NUBPL: variants seen among roughly 807,000 people sequenced by gnomAD.
NUBPL encodes iron-sulfur cluster transfer protein NUBPL.
A neutral mutation model predicts 45.7 loss-of-function variants in NUBPL; 31 were observed. That is an observed-to-expected ratio of 0.68 (90% CI 0.51 to 0.92). The LOEUF is 0.92. Among genes scored for constraint, NUBPL ranks in the 40% least tolerant of loss-of-function variants. NUBPL has a pLI of 0.00. For missense variants in NUBPL, 401 were observed against 398.7 expected (o/e 1.01, Z -0.05); for synonymous variants, 144 against 140.9 (o/e 1.02, Z -0.15).
intron 6 of NUBPL, among the ~76,000 whole-genome samples, chr14:31,760,598 A>G (rs901102214): frequency 1.3e-5 from 2 of 152,016 alleles, no homozygotes; most frequent in African/African-American, 4.8e-5. Flanking sequence ...GGCTTATTTC[A>G]CTTAACATAA....
intron 4 of NUBPL, among the ~76,000 whole-genome samples, chr14:31,652,105 C>T (rs1442325814): frequency 6.6e-6 from 1 of 152,010 alleles, no homozygotes; most frequent in African/African-American, 2.4e-5. Flanking sequence ...CATATATATA[C>T]TACTCAGCCT....
chr14:31,850,071 C>A, intron 9 of NUBPL, 48 bp from the exon 10 acceptor site: 1 of 1,377,190 alleles, frequency 7.3e-7, no homozygotes, highest in Non-Finnish European at 1.0e-6. Flanking sequence ...TTCAAAATGC[C>A]TATATGAACT....
intron 4 of NUBPL, among the ~76,000 whole-genome samples, chr14:31,628,361 C>T (rs1182225146): frequency 6.6e-6 from 1 of 152,096 alleles, no homozygotes; most frequent in Non-Finnish European, 1.5e-5. Flanking sequence ...TTATGCTGGT[C>T]TTCTAAGTGT....
chr14:31,584,229 A>G lies in NUBPL; in HGVS notation c.292-15060A>G, dbSNP rs970143712. ...AACTTCTGCCTCCCGGGCTCAAGCA[A>G]TTCTCCTACCTCAGTCACCCAAGGA... On this transcript the variant is annotated intron_variant, in intron 3 of 10. Transcript: ENST00000281081. Among the ~76,000 whole-genome samples the G allele has an allele frequency of 9.9e-5, 15 of 152,028 alleles. No homozygotes were observed. In the East Asian group the frequency reaches 1.7e-3, roughly 18 times the overall value.
intron 7 of NUBPL, among the ~76,000 whole-genome samples, chr14:31,822,928 A>G (rs916704338): frequency 6.6e-6 from 1 of 152,142 alleles, no homozygotes; most frequent in African/African-American, 2.4e-5. Flanking sequence ...GAGAAAACCA[A>G]GCCAGTTTAA....
chr14:31,764,350 C>G lies in NUBPL; in HGVS notation c.514-23430C>G, dbSNP rs114934235. 8.3e-3 allele frequency among the ~76,000 whole-genome samples: 1,258 copies of G among 152,234 alleles called. 20 individuals carry two copies. Among genetic ancestry groups the G allele is most frequent in the African/African-American group, 0.028 (1,150 of 41,550 alleles). On this transcript the variant is annotated intron_variant, in intron 6 of 10. Coordinates refer to ENST00000281081, the MANE Select transcript of NUBPL (RefSeq NM_025152.3). ...TTACAAGGGATGTACTAATTGGTTT[C>G]TTTATTGTATTCCTATCTCCACTTC...
chr14:31,590,052 A>G (rs1382430407), intron 3 of NUBPL, among the ~76,000 whole-genome samples: 1 of 152,150 alleles, frequency 6.6e-6, no homozygotes, highest in African/African-American at 2.4e-5. Context: ...TTTATGTGTA[A>G]CATACAGGTG....
chr14:31,606,348 A>G (rs78174147), intron 4 of NUBPL, among the ~76,000 whole-genome samples: 9,708 of 151,992 alleles, frequency 0.064, 431 homozygotes, highest in Non-Finnish European at 0.093. Context: ...TGCTTTGGCC[A>G]CCCAAAGTGC....
intron 4 of NUBPL, among the ~76,000 whole-genome samples, chr14:31,641,438 T>C (rs547345492): frequency 6.6e-6 from 1 of 152,318 alleles, no homozygotes; most frequent in East Asian, 1.9e-4. Flanking sequence ...TATTTGTCTT[T>C]CTAGGCCTGG....
At chr14:31,729,732 A>AT (rs906914604) in intron 6 of NUBPL, among the ~76,000 whole-genome samples, 7 of 152,160 alleles carry the variant, frequency 4.6e-5, no homozygotes, top group Admixed American at 1.3e-4. Flanking sequence ...AGTTTTTGCC[A>AT]TTTTTTTAAA....
chr14:31,841,981 A>G (rs956923775), intron 8 of NUBPL, among the ~76,000 whole-genome samples: 4 of 112,532 alleles, frequency 3.6e-5, no homozygotes, highest in Non-Finnish European at 6.6e-5. Context: ...CCTGGGCTGG[A>G]GTACAGTGGC....
chr14:31,802,941 G>C (rs1201151991), intron 7 of NUBPL, among the ~76,000 whole-genome samples: 2 of 152,160 alleles, frequency 1.3e-5, no homozygotes, highest in Non-Finnish European at 2.9e-5. Flanking sequence ...TTTGTGAAAG[G>C]TGTCAGGCCT....
chr14:31,773,057 G>A (rs931984872), intron 6 of NUBPL, among the ~76,000 whole-genome samples: 4 of 152,038 alleles, frequency 2.6e-5, no homozygotes, highest in African/African-American at 9.7e-5. Flanking sequence ...ATTGTATATT[G>A]TATCATTTAT....
chr14:31,630,733 A>G (rs1385011167), intron 4 of NUBPL, among the ~76,000 whole-genome samples: 1 of 152,098 alleles, frequency 6.6e-6, no homozygotes, highest in African/African-American at 2.4e-5. Context: ...TACTAAGGCA[A>G]TATCTTTCTA....
At chr14:31,839,387 G>A (rs1032042427) in intron 8 of NUBPL, among the ~76,000 whole-genome samples, 1 of 152,138 alleles carries the variant, frequency 6.6e-6, no homozygotes, top group Non-Finnish European at 1.5e-5. Context: ...TCAATAAATG[G>A]TGTTAGGACA....
chr14:31,729,768 A>G (rs898779345), intron 6 of NUBPL, among the ~76,000 whole-genome samples: 2 of 152,106 alleles, frequency 1.3e-5, no homozygotes, highest in African/African-American at 4.8e-5. Flanking sequence ...TTACTTTTGC[A>G]CCAGCCTAGT....
intron 3 of NUBPL, among the ~76,000 whole-genome samples, chr14:31,584,417 A>G (rs552314472): frequency 6.6e-6 from 1 of 152,256 alleles, no homozygotes; most frequent in Middle Eastern, 3.4e-3. Flanking sequence ...GAGCCATTGC[A>G]CCTGACCCCC....
At chr14:31,818,941 A>T (rs1366886209) in intron 7 of NUBPL, among the ~76,000 whole-genome samples, 1 of 152,238 alleles carries the variant, frequency 6.6e-6, no homozygotes, top group Non-Finnish European at 1.5e-5. Context: ...TTGTGACTGT[A>T]ATCACTTGTA....
At chr14:31,680,031 A>G (rs1437773492) in intron 6 of NUBPL, among the ~76,000 whole-genome samples, 1 of 152,086 alleles carries the variant, frequency 6.6e-6, no homozygotes, top group Non-Finnish European at 1.5e-5. Flanking sequence ...TTGAATTTCA[A>G]ATTGTTTGTT....
Sources: allele counts gnomAD v4.1 joint callset (sites outside exome capture counted in the v4.1 genomes callset), GRCh38; gene constraint gnomAD v4.1.1; transcripts MANE v1.5; gene names NCBI Gene and HGNC (gene_info 2026-07-23, HGNC 2026-07-21).